Variants in TRAPPC10 observed in about 807,000 individuals in gnomAD.
The protein encoded by TRAPPC10 is trafficking protein particle complex subunit 10, also known as TRAPP 130 kDa subunit.
TRAPPC10 carries 23 observed loss-of-function variants against 125.5 expected under a neutral mutation model. That is an observed-to-expected ratio of 0.18 (90% CI 0.13 to 0.26). TRAPPC10 has a LOEUF of 0.26. TRAPPC10 is among the 10% of genes least tolerant of loss of function. The pLI is 1.00. For missense variants in TRAPPC10, 1,123 were observed against 1,308.4 expected, an observed-to-expected ratio of 0.86 and a Z score of 2.19; for synonymous variants, 509 against 518.0, an observed-to-expected ratio of 0.98 and a Z score of 0.24.
chr21:44,100,915 G>T lies in TRAPPC10; in HGVS notation c.3347-1863G>T, dbSNP rs994069702. On this transcript the variant is annotated intron_variant, in intron 21 of 22. Transcript: ENST00000291574. ...TCACGCCTGTAATCCCAGCACTTTG[G>T]GGGGCTGAGGCAGGCGGATCACCTG... 7.7e-5 allele frequency among the ~76,000 whole-genome samples: 5 copies of T among 64,550 alleles called. 1 individual carries two copies. Among genetic ancestry groups the T allele is most frequent in the African/African-American group, 1.7e-4 (5 of 29,836 alleles). 42.3% of individuals were successfully genotyped at this position (64,550 alleles called of 152,430 possible).
intron 3 of TRAPPC10, among the ~76,000 whole-genome samples, chr21:44,049,519 T>C (rs1165551863): frequency 6.6e-6 from 1 of 152,210 alleles, no homozygotes; most frequent in African/African-American, 2.4e-5. Context: ...GGGACTTAAA[T>C]TGAATAAAAA....
At chr21:44,058,952 T>C in intron 5 of TRAPPC10, 151 bp from the exon 6 acceptor site, 1 of 564,372 alleles carries the variant, frequency 1.8e-6, no homozygotes, top group Non-Finnish European at 3.1e-6. Context: ...TGTTGACATA[T>C]GCGGTCGTCA....
chr21:44,082,553 T>G lies in TRAPPC10; in HGVS notation c.1724-235T>G, dbSNP rs1043228295. 2.6e-5 allele frequency among the ~76,000 whole-genome samples: 4 copies of G among 152,230 alleles called. No individual in the cohort carries two copies. Among genetic ancestry groups the G allele is most frequent in the South Asian group, 4.1e-4 (2 of 4,830 alleles). ...GTCAAAGCAGACTTGAGAAGGTTAATTTCTGTACATTTTATGATTTCTAGG... is the reference window on the plus strand; with the variant it reads ...GTCAAAGCAGACTTGAGAAGGTTAAGTTCTGTACATTTTATGATTTCTAGG... On this transcript the variant is annotated intron_variant, in intron 13 of 22. Transcript: ENST00000291574. This position sits in a 1 kb window ranked among gnomAD's most constrained non-coding sequence, Gnocchi z 4.4.
Position 44,038,076 on chromosome 21 carries a change from A to G in TRAPPC10, c.285+149A>G. 2.6e-6 allele frequency: 3 copies of G among 1,156,230 alleles called. No homozygotes were observed. The East Asian group carries it at 7.2e-5, about 28-fold the overall frequency. 71.6% of individuals were successfully genotyped at this position (1,156,230 alleles called of 1,614,324 possible). A position where few individuals can be genotyped will look rare whatever the true frequency, so the allele number is the denominator to read the frequency against. ...GTGCTGTGTGAGTACCAGTGGGGGA[A>G]GAGGACGCGCGGTGGGATGGGGTTG... On this transcript the variant is annotated intron_variant, in intron 3 of 22. Coordinates refer to ENST00000291574, the MANE Select transcript of TRAPPC10 (RefSeq NM_003274.5).
intron 7 of TRAPPC10, among the ~76,000 whole-genome samples, chr21:44,068,310 G>A (rs984376911): frequency 3.3e-5 from 5 of 152,230 alleles, no homozygotes; most frequent in Middle Eastern, 6.8e-3. Context: ...CTGGTGGCGC[G>A]GGAGAGTGCG....
At chr21:44,041,892 A>G (rs2034449984) in intron 3 of TRAPPC10, among the ~76,000 whole-genome samples, 1 of 150,680 alleles carries the variant, frequency 6.6e-6, no homozygotes, top group Non-Finnish European at 1.5e-5. Flanking sequence ...TGCCCGGCTA[A>G]TTTTTGTATT....
chr21:44,037,667 G>T (rs1601612801), intron 2 of TRAPPC10, 125 bp from the exon 3 acceptor site: 2 of 1,077,424 alleles, frequency 1.9e-6, no homozygotes, highest in East Asian at 2.4e-5. Context: ...GCGTAGTTAT[G>T]ATTTGGGGTT....
intron 1 of TRAPPC10, among the ~76,000 whole-genome samples, chr21:44,023,784 T>A (rs745381372): frequency 1.3e-5 from 2 of 152,218 alleles, no homozygotes; most frequent in Non-Finnish European, 2.9e-5. Context: ...TTGTTTTTGT[T>A]TTGTTTTGTT....
chr21:44,052,798 GT>G (rs956678127), intron 4 of TRAPPC10, among the ~76,000 whole-genome samples: 8 of 148,074 alleles, frequency 5.4e-5, no homozygotes, highest in Admixed American at 4.0e-4. Context: ...AAAGGTTTTT[GT>G]TTTTTTTTTG....
rs111389242 is a variant in TRAPPC10, at chr21:44,044,437, G to A, written c.285+6510G>A. ...GAATAGTTGCTTTAGGACTTATAGAGTACATCTGTAACAGCATAATTCTTC... is the reference window on the plus strand; with the variant it reads ...GAATAGTTGCTTTAGGACTTATAGAATACATCTGTAACAGCATAATTCTTC... On this transcript the variant is annotated intron_variant, in intron 3 of 22. Transcript: ENST00000291574. 1.9e-3 allele frequency among the ~76,000 whole-genome samples: 295 copies of A among 151,514 alleles called. 3 individuals are homozygous for A. The highest frequency in any genetic ancestry group is 6.9e-3 in the African/African-American group (283 of 41,294).
At chr21:44,081,967 C>G (rs866369811) in intron 13 of TRAPPC10, among the ~76,000 whole-genome samples, 10 of 152,272 alleles carry the variant, frequency 6.6e-5, no homozygotes, top group Middle Eastern at 6.8e-3. Context: ...CGCGCCCAAG[C>G]TGACTGTTGG....
At chr21:44,095,624 C>T (rs2038883988) in intron 20 of TRAPPC10, among the ~76,000 whole-genome samples, 4 of 151,870 alleles carry the variant, frequency 2.6e-5, no homozygotes, top group South Asian at 2.1e-4. Flanking sequence ...AGTGCAGTGG[C>T]GCGATCTCGG....
intron 9 of TRAPPC10, among the ~76,000 whole-genome samples, chr21:44,075,815 C>T (rs181787064): frequency 0.015 from 2,225 of 152,186 alleles, 29 homozygotes; most frequent in Non-Finnish European, 0.025. Context: ...TTTGGGAGGC[C>T]GAGGTGGGCG....
chr21:44,026,314 A>G (rs891086521), intron 1 of TRAPPC10, among the ~76,000 whole-genome samples: 9 of 152,168 alleles, frequency 5.9e-5, no homozygotes, highest in Non-Finnish European at 1.2e-4. Context: ...AGTTTTCACC[A>G]TGAAAGAGCT....
chr21:44,091,152 T>C (rs1037750577), intron 18 of TRAPPC10, among the ~76,000 whole-genome samples: 63 of 152,230 alleles, frequency 4.1e-4, no homozygotes, highest in Non-Finnish European at 8.2e-4. Context: ...GATCGTGCCA[T>C]TGCACCCCAG....
At chr21:44,090,568 C>T (rs1256181266) in intron 18 of TRAPPC10, among the ~76,000 whole-genome samples, 1 of 152,182 alleles carries the variant, frequency 6.6e-6, no homozygotes, top group Non-Finnish European at 1.5e-5. Context: ...AAAACAGCTG[C>T]CCTAAAGGCT....
chr21:44,055,462 G>A (rs904710445), intron 4 of TRAPPC10, among the ~76,000 whole-genome samples: 1 of 151,900 alleles, frequency 6.6e-6, no homozygotes, highest in Non-Finnish European at 1.5e-5. Flanking sequence ...ATGGTGGTGC[G>A]TGCCTGTGAT....
chr21:44,083,052 C>G lies in TRAPPC10; in HGVS notation c.1988C>G (p.Pro663Arg). ...GIINFPPETA[P>R]FPVSQNSLPA... ...ATTAACTTTCCACCCGAGACCGCAC[C>G]TTTCCCTGTATCCCAAAACAGTTTG... Residue 663 changes from proline (P) to arginine (R), a missense_variant, in exon 14 of 23, where the codon CCT (proline) becomes CGT (arginine). Transcript: ENST00000291574. 4 of 1,614,134 alleles carry G rather than the reference C, an allele frequency of 2.5e-6. No homozygotes were observed. Among genetic ancestry groups the G allele is most frequent in the Non-Finnish European group, 3.4e-6 (4 of 1,180,034 alleles).
intron 3 of TRAPPC10, chr21:44,046,804 G>C: frequency 1.8e-6 from 1 of 547,370 alleles, no homozygotes; most frequent in Admixed American, 2.8e-5. Flanking sequence ...CACCGCACCC[G>C]GCCACCTTTA....
Sources: gnomAD v4.1 joint callset for allele counts (sites outside exome capture counted in the v4.1 genomes callset) on GRCh38, gnomAD v4.1.1 for gene constraint, Gnocchi (gnomAD v3.1) non-coding constraint, MANE v1.5 for transcripts, NCBI Gene and HGNC (gene_info 2026-07-23, HGNC 2026-07-21) for gene names.